GRIN2B: variants seen among roughly 807,000 people sequenced by gnomAD.
GRIN2B encodes glutamate receptor ionotropic, NMDA 2B.
GRIN2B carries 5 observed loss-of-function variants against 114.5 expected under a neutral mutation model. The ratio of observed to expected loss-of-function variants is 0.04; its 90% confidence interval spans 0.02 to 0.09. The LOEUF (loss-of-function observed/expected upper bound fraction) is 0.09. Ranked by LOEUF, GRIN2B falls within the 10% of genes least tolerant of loss-of-function variation. The pLI is 1.00. For missense variants in GRIN2B, 1,108 were observed against 1,943.5 expected, an observed-to-expected ratio of 0.57 and a Z score of 8.08; for synonymous variants, 787 against 745.1, an observed-to-expected ratio of 1.06 and a Z score of -0.92.
At chr12:13,810,841 C>T (rs1443311585) in intron 3 of GRIN2B, among the ~76,000 whole-genome samples, 1 of 152,198 alleles carries the variant, frequency 6.6e-6, no homozygotes, top group Non-Finnish European at 1.5e-5. Flanking sequence ...AATCTTGGGC[C>T]AGTCACTCGT....
intron 9 of GRIN2B, among the ~76,000 whole-genome samples, chr12:13,611,427 A>C (rs1949364344): frequency 1.3e-5 from 2 of 152,218 alleles, no homozygotes. Context: ...TTATCAAAAT[A>C]GTTTCCTGTG....
chr12:13,616,703 TAACA>T, intron 5 of GRIN2B, 46 bp from the exon 6 acceptor site: 22 of 1,427,994 alleles, frequency 1.5e-5, no homozygotes, highest in Non-Finnish European at 2.2e-5. Flanking sequence ...GGCCACAACA[TAACA>T]AACAGCCTGT....
At chr12:13,942,107 A>G (rs1274303137) in intron 2 of GRIN2B, among the ~76,000 whole-genome samples, 2 of 152,108 alleles carry the variant, frequency 1.3e-5, no homozygotes, top group Non-Finnish European at 2.9e-5. Flanking sequence ...CATGACCACC[A>G]CCATGTTACT....
At position 13,553,517 on chromosome 12, in the gene GRIN2B, G is replaced by A. The variant is rs1948442360; in HGVS notation, c.*9266C>T. On this transcript the variant is annotated 3_prime_UTR_variant, in exon 14 of 14. Transcript: ENST00000609686. ...ACTCAGGAAAGAAATATAAAGACAAGGTGGTGACCAGCACAGACAGTTCCC... is the reference window on the plus strand; with the variant it reads ...ACTCAGGAAAGAAATATAAAGACAAAGTGGTGACCAGCACAGACAGTTCCC... 1 of 152,194 alleles carries A rather than the reference G, an allele frequency of 6.6e-6. No homozygotes were observed. Among genetic ancestry groups the A allele is most frequent in the African/African-American group, 2.4e-5 (1 of 41,434 alleles). 9.4% of individuals were successfully genotyped at this position (152,194 alleles called of 1,614,324 possible).
rs1278084623 is a variant in GRIN2B, at chr12:13,545,753, G to C, written c.*17030C>G. On this transcript the variant is annotated 3_prime_UTR_variant, in exon 14 of 14. Transcript: ENST00000609686. ...CACTTTGTCCCTCCTCTCCCCTGCGGCCTAACTCCCAAATCCCCTTCAGCT... is the reference window on the plus strand; with the variant it reads ...CACTTTGTCCCTCCTCTCCCCTGCGCCCTAACTCCCAAATCCCCTTCAGCT... The C allele has an allele frequency of 6.6e-6, 1 of 152,134 alleles. No individual in the cohort carries two copies. The highest frequency in any genetic ancestry group is 2.4e-5 in the African/African-American group (1 of 41,422). 9.4% of individuals were successfully genotyped at this position (152,134 alleles called of 1,614,324 possible).
intron 2 of GRIN2B, among the ~76,000 whole-genome samples, chr12:13,936,969 C>T (rs975706567): frequency 6.6e-6 from 1 of 151,038 alleles, no homozygotes; most frequent in African/African-American, 2.4e-5. Context: ...AACTTGAAGA[C>T]AGATTAATAA....
At chr12:13,601,617 C>T (rs1408023059) in intron 10 of GRIN2B, among the ~76,000 whole-genome samples, 2 of 151,838 alleles carry the variant, frequency 1.3e-5, no homozygotes, top group East Asian at 3.9e-4. Flanking sequence ...ACTTCAGGCC[C>T]CAACAAGGTA....
intron 5 of GRIN2B, among the ~76,000 whole-genome samples, chr12:13,651,135 G>T (rs1002226135): frequency 6.6e-6 from 1 of 152,056 alleles, no homozygotes; most frequent in Admixed American, 6.6e-5. Flanking sequence ...GAGATAGCAA[G>T]AATACATCTG....
intron 2 of GRIN2B, among the ~76,000 whole-genome samples, chr12:13,948,477 G>A (rs911706649): frequency 6.6e-6 from 1 of 152,132 alleles, no homozygotes; most frequent in Admixed American, 6.5e-5. Flanking sequence ...TTGGGTCTTA[G>A]ATTTTTTTAT....
chr12:13,549,035 G>A lies in GRIN2B; in HGVS notation c.*13748C>T, dbSNP rs1164001999. 6.6e-6 allele frequency: 1 copy of A among 152,038 alleles called. No homozygotes were observed. Among genetic ancestry groups the A allele is most frequent in the East Asian group, 1.9e-4 (1 of 5,184 alleles). 9.4% of individuals were successfully genotyped at this position (152,038 alleles called of 1,614,324 possible). ...AAAAAAGTTACTCTACATTAAGCAG[G>A]ACACTAGAGCTCTTTCACTGTTTTT... On this transcript the variant is annotated 3_prime_UTR_variant, in exon 14 of 14. Transcript: ENST00000609686.
chr12:13,605,215 G>C (rs1003778349), intron 10 of GRIN2B, among the ~76,000 whole-genome samples: 3 of 152,002 alleles, frequency 2.0e-5, no homozygotes, highest in African/African-American at 7.2e-5. Flanking sequence ...ATAAAGATTT[G>C]AATAGTTGCC....
intron 3 of GRIN2B, among the ~76,000 whole-genome samples, chr12:13,854,022 T>C (rs1387576366): frequency 1.3e-5 from 2 of 152,094 alleles, no homozygotes; most frequent in South Asian, 2.1e-4. Context: ...AGTTGTGATA[T>C]GGACTATGTA....
intron 5 of GRIN2B, among the ~76,000 whole-genome samples, chr12:13,671,571 C>T (rs1262449446): frequency 6.6e-6 from 1 of 152,158 alleles, no homozygotes; most frequent in Non-Finnish European, 1.5e-5. Context: ...TATGACTCCA[C>T]TGGGAGTTGG....
intron 2 of GRIN2B, among the ~76,000 whole-genome samples, chr12:13,956,367 T>G (rs140582595): frequency 6.6e-6 from 1 of 152,298 alleles, no homozygotes; most frequent in African/African-American, 2.4e-5. Context: ...GCAGATATGA[T>G]TAGATCTCTG....
chr12:13,545,255 C>G lies in GRIN2B; in HGVS notation c.*17528G>C, dbSNP rs551486451. 6.6e-6 allele frequency: 1 copy of G among 152,314 alleles called. No homozygotes were observed. The highest frequency in any genetic ancestry group is 2.1e-4 in the South Asian group (1 of 4,822). The allele number at this position is 152,314 out of a possible 1,614,324, so 9.4% of individuals were successfully genotyped here. A position where few individuals can be genotyped will look rare whatever the true frequency, so the allele number is the denominator to read the frequency against. On this transcript the variant is annotated 3_prime_UTR_variant, in exon 14 of 14. Coordinates refer to ENST00000609686, the MANE Select transcript of GRIN2B (RefSeq NM_000834.5). The stretch of plus-strand genomic sequence containing the variant: ...TTACTCAAAAATAGCAACCCCACAC[C>G]CATCCTATCATCTATCCCCCTTAAT...
intron 4 of GRIN2B, among the ~76,000 whole-genome samples, chr12:13,686,813 C>G (rs186467322): frequency 2.0e-5 from 3 of 152,234 alleles, no homozygotes; most frequent in East Asian, 1.9e-4. Context: ...TCCATCCAAG[C>G]AAGGATGTGT....
intron 5 of GRIN2B, among the ~76,000 whole-genome samples, chr12:13,637,706 A>G (rs1187260630): frequency 6.6e-6 from 1 of 152,202 alleles, no homozygotes; most frequent in East Asian, 1.9e-4. Flanking sequence ...TGATGAAAAG[A>G]TTTACTAGTT....
At chr12:13,599,648 A>G (rs1949127473) in intron 10 of GRIN2B, among the ~76,000 whole-genome samples, 1 of 152,226 alleles carries the variant, frequency 6.6e-6, no homozygotes, top group Non-Finnish European at 1.5e-5. Context: ...ATTAATCAGA[A>G]AAGAATGTTG....
chr12:13,968,683 T>C (rs1347682007), intron 2 of GRIN2B, among the ~76,000 whole-genome samples: 1 of 152,262 alleles, frequency 6.6e-6, no homozygotes, highest in Non-Finnish European at 1.5e-5. Flanking sequence ...CTTTGTATTT[T>C]ATATTTATTT....
Sources: gnomAD v4.1 joint callset for allele counts (sites outside exome capture counted in the v4.1 genomes callset) on GRCh38, gnomAD v4.1.1 for gene constraint, MANE v1.5 for transcripts, NCBI Gene and HGNC (gene_info 2026-07-23, HGNC 2026-07-21) for gene names.